Variants in NLRP7 observed in about 807,000 individuals in gnomAD.
NLRP7 encodes NACHT, LRR and PYD domains-containing protein 7.
In NLRP7, 72 loss-of-function variants were observed where a neutral mutation model predicts 85.5. That is an observed-to-expected ratio of 0.84 (90% CI 0.70 to 1.02). The LOEUF (loss-of-function observed/expected upper bound fraction) is 1.02. Ranked by LOEUF, NLRP7 falls within the 50% of genes least tolerant of loss-of-function variation. The pLI, the probability that NLRP7 is intolerant of heterozygous loss-of-function variation, is 0.00. For missense variants in NLRP7, 1,243 were observed against 1,219.5 expected (o/e 1.02, Z -0.29); for synonymous variants, 550 against 505.2 (o/e 1.09, Z -1.19).
intron 1 of NLRP7, among the ~76,000 whole-genome samples, chr19:54,957,850 T>G (rs948392683): frequency 1.3e-5 from 2 of 152,122 alleles, no homozygotes; most frequent in Non-Finnish European, 2.9e-5. Context: ...TCCTCCACAC[T>G]GGAGGGCCAT....
upstream of NLRP7, among the ~76,000 whole-genome samples, chr19:54,951,363 A>G (rs151051764): frequency 1.2e-4 from 19 of 152,238 alleles, no homozygotes; most frequent in African/African-American, 4.6e-4. Context: ...CCCAGCCAGC[A>G]TGGTGAAACT....
intron 6 of NLRP7, among the ~76,000 whole-genome samples, chr19:54,935,694 G>GAA (rs34297504): frequency 6.6e-5 from 7 of 106,028 alleles, no homozygotes; most frequent in Non-Finnish European, 9.0e-5. Flanking sequence ...CTGTCTCAAA[G>GAA]AAAAAAAAAA....
chr19:54,933,505 G>A, intron 8 of NLRP7, 64 bp downstream of exon 8: 2 of 1,574,068 alleles, frequency 1.3e-6, no homozygotes, highest in Non-Finnish European at 1.7e-6. Flanking sequence ...GAATTAACAA[G>A]TACTTTCATG....
In NLRP7 at chr19:54,933,744, A is replaced by C; in HGVS notation, c.2472-5T>G. On this transcript the variant is annotated splice_polypyrimidine_tract_variant and splice_region_variant and intron_variant, in intron 7 of 9. Coordinates refer to ENST00000340844, the Ensembl canonical transcript of NLRP7. ...GTAAGACGACAGTTTTCCAACCTGC[A>C]AAAATATGAAACAAATGGTAGAAGG... The C allele has an allele frequency of 6.2e-7, 1 of 1,613,190 alleles. No homozygotes were observed. Among genetic ancestry groups the C allele is most frequent in the Non-Finnish European group, 8.5e-7 (1 of 1,179,078 alleles).
At chr19:54,940,044 T>G in exon 4 of NLRP7, 2 of 1,614,190 alleles carry the variant, frequency 1.2e-6, no homozygotes, top group Middle Eastern at 1.6e-4. Context: ...GGTGGGACTT[T>G]CAGCTCATCA....
chr19:54,937,162 G>C (rs1161359005), intron 5 of NLRP7, among the ~76,000 whole-genome samples: 1 of 151,020 alleles, frequency 6.6e-6, no homozygotes, highest in African/African-American at 2.4e-5. Flanking sequence ...GGCTTGCAGT[G>C]AGCCGAGATT....
chr19:54,941,381 CAAAAAAAAA>C lies in NLRP7; in HGVS notation c.277+45_277+53del, dbSNP rs55704982. 5.3e-4 allele frequency: 363 copies of C among 685,002 alleles called. No individual in the cohort carries two copies. The African/African-American group carries it at 7.9e-3, about 15-fold the overall frequency. 42.4% of individuals were successfully genotyped at this position (685,002 alleles called of 1,614,324 possible). ...TGGGCGACAGAACGAGACTCCATCT[CAAAAAAAAA>C]AAAAAAAAAAAAAAAATGACCAGGA... is the stretch of plus-strand genomic sequence containing the variant. On this transcript the variant is annotated intron_variant, in intron 2 of 9. Transcript: ENST00000340844.
At chr19:54,960,507 C>T (rs1238132779) in intron 1 of NLRP7, among the ~76,000 whole-genome samples, 2 of 151,748 alleles carry the variant, frequency 1.3e-5, no homozygotes, top group Non-Finnish European at 2.9e-5. Flanking sequence ...AGTTATGTGA[C>T]CTTGGGGTTG....
At chr19:54,946,611 C>G (rs1405495605) in intron 1 of NLRP7, among the ~76,000 whole-genome samples, 1 of 151,814 alleles carries the variant, frequency 6.6e-6, no homozygotes, top group Non-Finnish European at 1.5e-5. Flanking sequence ...CACCTCACCC[C>G]ACAAGTAGCT....
At position 54,934,555 on chromosome 19, in the gene NLRP7, A is replaced by T. The variant is rs1458069960; in HGVS notation, c.2405T>A (p.Leu802Gln). 6.2e-7 allele frequency: 1 copy of T among 1,614,150 alleles called. No homozygotes were observed. Among genetic ancestry groups the T allele is most frequent in the Non-Finnish European group, 8.5e-7 (1 of 1,180,014 alleles). Residue 802 changes from leucine to glutamine, a missense_variant, in exon 7 of 10, where the codon CTG (leucine) becomes CAG (glutamine). By Grantham distance (113) the Leu-to-Gln change is moderately radical. This residue lies in a region of NLRP7 where 613 missense variants were observed against 588.4 expected (regional missense o/e 1.04). Transcript: ENST00000340844. The surrounding 1 kb of genome is among the most constrained non-coding windows in gnomAD (Gnocchi z 6.7). ...GTACAGCAACATGGCACCCTCATCC[A>T]GGAGCACATTGGCTGAGAGACGCAG...
At position 54,941,381 on chromosome 19, in the gene NLRP7, CAAAAAAAA is replaced by C. The variant is rs55704982; in HGVS notation, c.277+46_277+53del. Reference sequence around the variant, plus strand: ...TGGGCGACAGAACGAGACTCCATCTCAAAAAAAAAAAAAAAAAAAAAAAAATGACCAGG... The same window carrying C: ...TGGGCGACAGAACGAGACTCCATCTCAAAAAAAAAAAAAAAAATGACCAGG... On this transcript the variant is annotated intron_variant, in intron 2 of 9. Coordinates refer to ENST00000340844, the Ensembl canonical transcript of NLRP7. 3,619 of 684,946 alleles carry C rather than the reference CAAAAAAAA, an allele frequency of 5.3e-3. 83 individuals are homozygous for C. In the African/African-American group the frequency reaches 0.096, roughly 18 times the overall value. 42.4% of individuals were successfully genotyped at this position (684,946 alleles called of 1,614,324 possible). A position where few individuals can be genotyped will look rare whatever the true frequency, so the allele number is the denominator to read the frequency against.
chr19:54,931,239 T>G (rs752379938), intron 8 of NLRP7, among the ~76,000 whole-genome samples: 1 of 152,002 alleles, frequency 6.6e-6, no homozygotes, highest in Admixed American at 6.6e-5. Flanking sequence ...CTGGCCAACA[T>G]GGTGAAACCC....
chr19:54,957,346 C>CTTTTTT (rs369473061), intron 1 of NLRP7, among the ~76,000 whole-genome samples: 1 of 128,056 alleles, frequency 7.8e-6, no homozygotes, highest in South Asian at 2.5e-4. Flanking sequence ...TCTTCTTCTT[C>CTTTTTT]TTTTTTTTTT....
rs552760617 is a variant in NLRP7 at position 54,962,762 on chromosome 19, G to C, written c.-77+3278C>G. On this transcript the variant is annotated intron_variant, in intron 1 of 2. Transcript: ENST00000587103. The stretch of plus-strand genomic sequence containing the variant: ...CTACAGGCGCCCGCCACCACGCCCG[G>C]CTAATTTTTTGTATTTTTAGTAGAG... 5.3e-3 allele frequency among the ~76,000 whole-genome samples: 796 copies of C among 150,520 alleles called. 7 individuals are homozygous for C. The highest frequency in any genetic ancestry group is 0.018 in the African/African-American group (755 of 41,198).
intron 1 of NLRP7, among the ~76,000 whole-genome samples, chr19:54,964,337 C>T (rs2070216772): frequency 6.7e-6 from 1 of 149,364 alleles, no homozygotes; most frequent in African/African-American, 2.4e-5. Context: ...CTGCCTCAGC[C>T]TCCCGAGTAG....
At chr19:54,923,977 A>AT in intron 9 of NLRP7, 105 bp from the exon 11 acceptor site, 3 of 1,280,374 alleles carry the variant, frequency 2.3e-6, no homozygotes, top group Admixed American at 1.8e-5. Context: ...CGTTTTTGGG[A>AT]TTTTCTGGGG....
chr19:54,964,882 G>GTTGA (rs1455734421), intron 1 of NLRP7, among the ~76,000 whole-genome samples: 3 of 119,540 alleles, frequency 2.5e-5, no homozygotes, highest in Non-Finnish European at 5.4e-5. Flanking sequence ...TGCTTTTCAT[G>GTTGA]CGTCTCATAG....
Position 54,940,257 on chromosome 19 carries a change from C to A in NLRP7, c.562G>T (p.Ala188Ser), listed in dbSNP as rs751987931. The A allele has an allele frequency of 2.5e-6, 4 of 1,614,198 alleles. No homozygotes were observed. The South Asian group carries it at 4.4e-5, about 18-fold the overall frequency. The stretch of plus-strand genomic sequence containing the variant: ...GTCCAGTCCAGCATACACTTTTTGG[C>A]CAGCGTGGTTTTCCCCACGCCTGCG... The change falls in exon 4 of 10, where the codon GCC (alanine) becomes TCC (serine). Residue 188 changes from alanine to serine, a missense_variant. By Grantham distance (99) the Ala-to-Ser change is moderately conservative (BLOSUM62 1). Around this residue, in one of 3 missense-constraint regions of NLRP7, gnomAD observed 591 missense variants for 563.3 expected, o/e 1.05. Coordinates refer to ENST00000340844, the Ensembl canonical transcript of NLRP7.
At chr19:54,938,799 G>T in intron 4 of NLRP7, 89 bp downstream of exon 4, 1 of 1,433,718 alleles carries the variant, frequency 7.0e-7, no homozygotes, top group Non-Finnish European at 9.8e-7. Context: ...AAGAAGTCCA[G>T]CCAGAGGGAA....
Sources: allele counts gnomAD v4.1 joint callset (sites outside exome capture counted in the v4.1 genomes callset), GRCh38; gene constraint gnomAD v4.1.1; regional missense constraint gnomAD v4.1.1; non-coding constraint Gnocchi (gnomAD v3.1); transcripts MANE v1.5; gene names NCBI Gene and HGNC (gene_info 2026-07-23, HGNC 2026-07-21).